Variants in UTP6 observed in about 807,000 individuals in gnomAD.
The protein encoded by UTP6 is UTP6 small subunit processome component, also known as U3 small nucleolar RNA-associated protein 6 homolog.
A neutral mutation model predicts 96.5 loss-of-function variants in UTP6; 60 were observed. The ratio of observed to expected loss-of-function variants is 0.62; its 90% CI spans 0.51 to 0.77. UTP6 has a LOEUF of 0.77. UTP6 is among the 30% of genes least tolerant of loss of function. The pLI, the probability that UTP6 is intolerant of heterozygous loss-of-function variation, is 0.00. For synonymous variants in UTP6, 215 were observed against 240.1 expected (o/e 0.90, Z 0.96); for missense variants, 637 against 706.5 (o/e 0.90, Z 1.12).
chr17:31,865,433 G>A lies in UTP6; in HGVS notation c.1569C>T (p.Ser523=). ...ATTCTCTTATGTTCGCCATATTGCA[G>A]GATTCCTGACAAAGATAGACAATCT... ...KMIQFEKEQE[S]CNMANIREYY... is the part of the protein sequence containing the mutation. The change falls in exon 18 of 19, where the codon TCC becomes TCT. Residue 523 remains serine, a synonymous_variant. Coordinates refer to ENST00000261708, the MANE Select transcript of UTP6 (RefSeq NM_018428.3). 2 of 1,613,806 alleles carry A rather than the reference G, an allele frequency of 1.2e-6. No individual in the cohort carries two copies.
intron 16 of UTP6, among the ~76,000 whole-genome samples, chr17:31,871,367 C>A (rs1910164152): frequency 6.6e-6 from 1 of 152,106 alleles, no homozygotes; most frequent in African/African-American, 2.4e-5. Flanking sequence ...AAGCAATCCT[C>A]TTGTCTCAGT....
At chr17:31,880,815 G>GA in intron 10 of UTP6, 61 bp from the exon 11 acceptor site, 1 of 1,597,978 alleles carries the variant, frequency 6.3e-7, no homozygotes, top group Middle Eastern at 1.9e-4. Context: ...GAATATCAGA[G>GA]AAACAGTTAC....
chr17:31,901,574 C>A lies in UTP6; in HGVS notation c.54G>T (p.Gln18His). The change falls in exon 1 of 19, where the codon CAG becomes CAT. Residue 18 changes from glutamine to histidine, a missense_variant. Coordinates refer to ENST00000261708, the MANE Select transcript of UTP6 (RefSeq NM_018428.3). ...GACTGAACAGTCCAATGCGCTCCAGCTGTTCCAATTCCGGGAGCCGATCTT... is the reference window on the plus strand; with the variant it reads ...GACTGAACAGTCCAATGCGCTCCAGATGTTCCAATTCCGGGAGCCGATCTT... ...RIEDRLPELEQLERIGLFSHA... is the reference protein window; with the variant it reads ...RIEDRLPELEHLERIGLFSHA... 1 of 1,614,114 alleles carries A rather than the reference C, an allele frequency of 6.2e-7. No individual in the cohort carries two copies. Among genetic ancestry groups the A allele is most frequent in the Non-Finnish European group, 8.5e-7 (1 of 1,180,038 alleles).
intron 13 of UTP6, among the ~76,000 whole-genome samples, chr17:31,877,550 G>A (rs144112014): frequency 1.3e-4 from 20 of 152,136 alleles, no homozygotes; most frequent in Admixed American, 9.8e-4. Context: ...AGCCAGGCAC[G>A]GCCAGGAGCA....
At position 31,862,581 on chromosome 17, in the gene UTP6, T is replaced by C. The variant is rs1248478643; in HGVS notation, c.*778A>G. On this transcript the variant is annotated 3_prime_UTR_variant, in exon 19 of 19. Transcript: ENST00000261708. The stretch of plus-strand genomic sequence containing the variant: ...AAAACTGTACTTTCTCCTTTTTTTT[T>C]TTCCTTGAGAAGGAGTTTCGCTCTT... 6.6e-6 allele frequency: 1 copy of C among 151,800 alleles called. No individual in the cohort carries two copies. Among genetic ancestry groups the C allele is most frequent in the African/African-American group, 2.4e-5 (1 of 41,132 alleles). 9.4% of individuals were successfully genotyped at this position (151,800 alleles called of 1,614,324 possible).
chr17:31,901,450 A>G, intron 1 of UTP6, 86 bp downstream of exon 1: 3 of 1,255,306 alleles, frequency 2.4e-6, no homozygotes, highest in Non-Finnish European at 3.5e-6. Flanking sequence ...ACACAGGTCG[A>G]GCGTCCCCAC....
chr17:31,891,201 T>C (rs549011259), intron 6 of UTP6, among the ~76,000 whole-genome samples: 6 of 152,226 alleles, frequency 3.9e-5, no homozygotes, highest in African/African-American at 1.4e-4. Context: ...GGCAAGCAAT[T>C]GCTTTGGGCT....
At chr17:31,878,998 G>A (rs547452772) in intron 11 of UTP6, among the ~76,000 whole-genome samples, 15 of 152,128 alleles carry the variant, frequency 9.9e-5, no homozygotes, top group Admixed American at 9.2e-4. Context: ...AAACAACTGA[G>A]TAACAGCTTA....
chr17:31,877,733 G>A (rs149681292), intron 13 of UTP6, among the ~76,000 whole-genome samples: 109 of 152,120 alleles, frequency 7.2e-4, no homozygotes, highest in African/African-American at 2.4e-3. Flanking sequence ...TTGGGAGGCC[G>A]AGGCAGGGGG....
chr17:31,884,324 A>AGT (rs1911020109), intron 10 of UTP6, 100 bp downstream of exon 10: 1 of 929,506 alleles, frequency 1.1e-6, no homozygotes, highest in Non-Finnish European at 1.6e-6. Context: ...CCAGGGATTT[A>AGT]GTGTGGTATC....
At chr17:31,896,948 T>C (rs551775120) in intron 2 of UTP6, among the ~76,000 whole-genome samples, 22 of 152,104 alleles carry the variant, frequency 1.4e-4, no homozygotes, top group African/African-American at 5.1e-4. Flanking sequence ...AATAAATCAG[T>C]CTTTTCTCTC....
chr17:31,887,583 C>G (rs533361044), intron 7 of UTP6: 8 of 299,962 alleles, frequency 2.7e-5, no homozygotes, highest in Non-Finnish European at 5.0e-5. Context: ...AACAACTGAC[C>G]TCAAGTGATC....
intron 2 of UTP6, among the ~76,000 whole-genome samples, chr17:31,896,644 A>AATT (rs1567794483): frequency 6.9e-6 from 1 of 145,700 alleles, no homozygotes; most frequent in Non-Finnish European, 1.5e-5. Flanking sequence ...ACAGAAAAAA[A>AATT]TTTTTTTTTT....
At chr17:31,870,752 T>A (rs982328580) in intron 16 of UTP6, among the ~76,000 whole-genome samples, 2 of 152,040 alleles carry the variant, frequency 1.3e-5, no homozygotes, top group African/African-American at 4.8e-5. Context: ...CTCGATCTCC[T>A]GACCTCGTGA....
At chr17:31,891,359 C>G (rs949610727) in intron 6 of UTP6, among the ~76,000 whole-genome samples, 1 of 152,192 alleles carries the variant, frequency 6.6e-6, no homozygotes, top group African/African-American at 2.4e-5. Flanking sequence ...ACCTTAGGAA[C>G]CAGAGGCTAC....
rs148807241 is a variant in UTP6, at chr17:31,868,483, C to T, written c.1497-371G>A. On this transcript the variant is annotated intron_variant, in intron 16 of 18. Coordinates refer to ENST00000261708, the MANE Select transcript of UTP6 (RefSeq NM_018428.3). ...TAACTGTGACTACAGGCATACATAA[C>T]CACACACAGCTTATTTTTGAAATTT... is the stretch of plus-strand genomic sequence containing the variant. Among the ~76,000 whole-genome samples the T allele has an allele frequency of 5.2e-3, 797 of 152,050 alleles. 3 individuals carry two copies. Among genetic ancestry groups the T allele is most frequent in the African/African-American group, 0.018 (764 of 41,504 alleles).
rs1909544174 is a variant in UTP6, at chr17:31,861,084, T to C, written c.*2275A>G. On this transcript the variant is annotated 3_prime_UTR_variant, in exon 19 of 19. Coordinates refer to ENST00000261708, the MANE Select transcript of UTP6 (RefSeq NM_018428.3). ...CACACATACACACACAAAATACCTC[T>C]GGGCATCAAAAATCGCCACAAAAGG... 2 of 151,834 alleles carry C rather than the reference T, an allele frequency of 1.3e-5. No individual in the cohort carries two copies. The highest frequency in any genetic ancestry group is 2.1e-4 in the South Asian group (1 of 4,810). 9.4% of individuals were successfully genotyped at this position (151,834 alleles called of 1,614,324 possible). A position where few individuals can be genotyped will look rare whatever the true frequency, so the allele number is the denominator to read the frequency against.
intron 7 of UTP6, 41 bp downstream of exon 7, chr17:31,889,244 C>G: frequency 2.0e-6 from 3 of 1,472,604 alleles, no homozygotes; most frequent in Non-Finnish European, 2.8e-6. Context: ...GAGGACCAAA[C>G]TGAAACATCA....
intron 16 of UTP6, among the ~76,000 whole-genome samples, chr17:31,871,351 G>C (rs983551702): frequency 1.3e-5 from 2 of 152,126 alleles, no homozygotes; most frequent in Non-Finnish European, 2.9e-5. Context: ...TCAAATGCTT[G>C]GGATCAAGCA....
Sources: allele counts gnomAD v4.1 joint callset (sites outside exome capture counted in the v4.1 genomes callset), GRCh38; gene constraint gnomAD v4.1.1; transcripts MANE v1.5; gene names NCBI Gene and HGNC (gene_info 2026-07-23, HGNC 2026-07-21).